Variants in SUPT3H observed in about 807,000 individuals in gnomAD.
SUPT3H encodes the protein SPT3 homolog, SAGA and STAGA complex component, also known as transcription initiation protein SPT3 homolog.
In SUPT3H, 44 loss-of-function variants were observed where a neutral mutation model predicts 44.3. That is an observed-to-expected ratio of 0.99 (90% CI 0.78 to 1.28). The LOEUF (loss-of-function observed/expected upper bound fraction) is 1.28, where lower values mean the gene tolerates loss of function less well. Ranked by LOEUF, SUPT3H falls within the 50% of genes most tolerant of loss-of-function variation. The pLI, the probability that SUPT3H is intolerant of heterozygous loss-of-function variation, is 0.00. For synonymous variants in SUPT3H, 124 were observed against 125.6 expected (o/e 0.99, Z 0.09); for missense variants, 380 against 387.1 (o/e 0.98, Z 0.15).
intron 7 of SUPT3H, among the ~76,000 whole-genome samples, chr6:44,960,419 CAAA>C (rs752377751): frequency 4.4e-5 from 4 of 91,250 alleles, no homozygotes; most frequent in Non-Finnish European, 8.5e-5. Context: ...GATTCCATCT[CAAA>C]AAAAAAAAAA....
At chr6:45,004,797 T>G (rs1290116204) in intron 5 of SUPT3H, among the ~76,000 whole-genome samples, 1 of 152,204 alleles carries the variant, frequency 6.6e-6, no homozygotes, top group Non-Finnish European at 1.5e-5. Context: ...TCTATTTCTT[T>G]CTGGTCTTGC....
At chr6:45,172,341 G>A (rs984441801) in intron 2 of SUPT3H, among the ~76,000 whole-genome samples, 1 of 151,994 alleles carries the variant, frequency 6.6e-6, no homozygotes, top group Non-Finnish European at 1.5e-5. Context: ...AAAGTGCTGG[G>A]ATTACAGGCA....
At chr6:45,020,504 A>G (rs758207482) in intron 4 of SUPT3H, 42 bp downstream of exon 4, 7 of 1,503,710 alleles carry the variant, frequency 4.7e-6, no homozygotes, top group South Asian at 1.2e-5. Context: ...GTTCAATTAA[A>G]CAAAACGTGG....
intron 2 of SUPT3H, among the ~76,000 whole-genome samples, chr6:45,236,543 C>A (rs984210825): frequency 6.6e-6 from 1 of 151,848 alleles, no homozygotes; most frequent in Non-Finnish European, 1.5e-5. Context: ...CTTCTGCACC[C>A]CCTCCTTATT....
intron 6 of SUPT3H, among the ~76,000 whole-genome samples, chr6:44,963,400 G>A (rs1439940505): frequency 6.6e-6 from 1 of 152,184 alleles, no homozygotes; most frequent in Non-Finnish European, 1.5e-5. Flanking sequence ...TGAGGCAGGA[G>A]AATTGCTTGA....
intron 2 of SUPT3H, among the ~76,000 whole-genome samples, chr6:45,271,460 G>C (rs1776130601): frequency 6.6e-6 from 1 of 152,268 alleles, no homozygotes; most frequent in Non-Finnish European, 1.5e-5. Flanking sequence ...TTTAGAGGGT[G>C]GAAGCCCCAA....
rs1258211637 is a variant in SUPT3H at position 45,146,070 on chromosome 6, G to T, written c.102-40064C>A. 2.0e-5 allele frequency among the ~76,000 whole-genome samples: 3 copies of T among 152,200 alleles called. No homozygotes were observed. The East Asian group carries it at 5.8e-4, about 29-fold the overall frequency. ...GGGAACACTTTTACACTGCTGGTGGGAACATAAACTAGTACAACCACTATG... is the reference window on the plus strand; with the variant it reads ...GGGAACACTTTTACACTGCTGGTGGTAACATAAACTAGTACAACCACTATG... On this transcript the variant is annotated intron_variant, in intron 2 of 10. Coordinates refer to ENST00000371459, the MANE Select transcript of SUPT3H (RefSeq NM_003599.4).
At chr6:45,026,114 A>G (rs905928341) in intron 3 of SUPT3H, among the ~76,000 whole-genome samples, 7 of 151,874 alleles carry the variant, frequency 4.6e-5, no homozygotes, top group African/African-American at 1.7e-4. Flanking sequence ...AAAATTATTT[A>G]TTTTTCCCTC....
chr6:45,185,773 T>C (rs1814101990), intron 2 of SUPT3H, among the ~76,000 whole-genome samples: 1 of 152,206 alleles, frequency 6.6e-6, no homozygotes, highest in Non-Finnish European at 1.5e-5. Flanking sequence ...AATAAAACCT[T>C]TGCTTGGAGA....
chr6:45,158,201 G>GAGATAGATAGAT (rs3054762), intron 2 of SUPT3H, among the ~76,000 whole-genome samples: 96 of 121,932 alleles, frequency 7.9e-4, no homozygotes, highest in Non-Finnish European at 1.2e-3. Context: ...AGAAACCATA[G>GAGATAGATAGAT]AGATAGATAG....
At position 45,372,051 on chromosome 6, in the gene SUPT3H, CA is replaced by C. The variant is rs1796142996; in HGVS notation, c.-1+5716del. 1.2e-5 allele frequency: 12 copies of C among 964,638 alleles called. No homozygotes were observed. In the South Asian group the frequency reaches 3.8e-4, roughly 31 times the overall value. The allele number at this position is 964,638 out of a possible 1,614,324, so 59.8% of individuals were successfully genotyped here. On this transcript the variant is annotated intron_variant, in intron 1 of 10. Transcript: ENST00000371459. ...AAATAAAAGTTTATCATAACTAACC[CA>C]AAAGGCCTCCACAATGTGTATGTCA...
At chr6:44,862,082 C>T (rs1433385931) in intron 10 of SUPT3H, among the ~76,000 whole-genome samples, 1 of 152,142 alleles carries the variant, frequency 6.6e-6, no homozygotes, top group Non-Finnish European at 1.5e-5. Context: ...GCCCCCGCCT[C>T]TCCTTTTCTT....
intron 6 of SUPT3H, among the ~76,000 whole-genome samples, chr6:45,002,204 T>C (rs1782096454): frequency 6.6e-6 from 1 of 152,030 alleles, no homozygotes; most frequent in Non-Finnish European, 1.5e-5. Flanking sequence ...GTACCCAAGC[T>C]TTTTCTACCC....
intron 2 of SUPT3H, among the ~76,000 whole-genome samples, chr6:45,284,577 G>A (rs1329358044): frequency 1.3e-5 from 2 of 152,096 alleles, no homozygotes; most frequent in African/African-American, 4.8e-5. Context: ...ACCAATAACA[G>A]GCTCTGAAAT....
At position 45,238,316 on chromosome 6, in the gene SUPT3H, G is replaced by T. The variant is rs573412292; in HGVS notation, c.101+126885C>A. On this transcript the variant is annotated intron_variant, in intron 2 of 10. Coordinates refer to ENST00000371459, the MANE Select transcript of SUPT3H (RefSeq NM_003599.4). The stretch of plus-strand genomic sequence containing the variant: ...CTCCTACTTGGGGACCTCAGTAACT[G>T]ACAGTACAATTGTGCCACAGAAAGT... 4.6e-5 allele frequency among the ~76,000 whole-genome samples: 7 copies of T among 152,288 alleles called. No individual in the cohort carries two copies. In the South Asian group the frequency reaches 1.2e-3, roughly 27 times the overall value.
chr6:45,340,013 C>G (rs1302514967), intron 2 of SUPT3H, among the ~76,000 whole-genome samples: 3 of 152,046 alleles, frequency 2.0e-5, no homozygotes, highest in Non-Finnish European at 2.9e-5. Context: ...GGAACTTGCT[C>G]AAGGTTACAG....
chr6:44,965,270 C>T (rs924315861), intron 6 of SUPT3H, among the ~76,000 whole-genome samples: 5 of 152,112 alleles, frequency 3.3e-5, no homozygotes, highest in Non-Finnish European at 4.4e-5. Flanking sequence ...GGATGCTGAA[C>T]GAAGCTGAGG....
At chr6:45,372,288 G>A (rs1456442289) in intron 1 of SUPT3H, among the ~76,000 whole-genome samples, 1 of 152,122 alleles carries the variant, frequency 6.6e-6, no homozygotes, top group Non-Finnish European at 1.5e-5. Context: ...CATACGTAAA[G>A]CCCTTAGTAA....
rs1771510737 is a variant in SUPT3H, at chr6:44,936,821, C to CGCA, written c.802-4061_802-4059dup. Among the ~76,000 whole-genome samples, 4 of 152,026 alleles carry CGCA rather than the reference C, an allele frequency of 2.6e-5. No individual in the cohort carries two copies. The South Asian group carries it at 8.3e-4, about 32-fold the overall frequency. The stretch of plus-strand genomic sequence containing the variant: ...TAGCTGGGACTACAGGCACACCTAC[C>CGCA]GCACCTGGCTTATTTTTGTATTGTT... On this transcript the variant is annotated intron_variant, in intron 9 of 10. Coordinates refer to ENST00000371459, the MANE Select transcript of SUPT3H (RefSeq NM_003599.4).
Sources: allele counts gnomAD v4.1 joint callset (sites outside exome capture counted in the v4.1 genomes callset), GRCh38; gene constraint gnomAD v4.1.1; transcripts MANE v1.5; gene names NCBI Gene and HGNC (gene_info 2026-07-23, HGNC 2026-07-21).